FGF14: variants seen among roughly 807,000 people sequenced by gnomAD.
The protein encoded by FGF14 is fibroblast growth factor 14.
In FGF14, 5 loss-of-function variants were observed where a neutral mutation model predicts 25.5. The ratio of observed to expected loss-of-function variants is 0.20; its 90% CI spans 0.10 to 0.41. FGF14 has a LOEUF of 0.41. FGF14 is among the 10% of genes least tolerant of loss of function. FGF14 has a pLI of 1.00. For missense variants in FGF14, 222 were observed against 320.1 expected (o/e 0.69, Z 2.34); for synonymous variants, 138 against 118.3 (o/e 1.17, Z -1.08).
intron 3 of FGF14, among the ~76,000 whole-genome samples, chr13:101,787,789 T>C (rs1454050673): frequency 1.3e-5 from 2 of 152,198 alleles, no homozygotes; most frequent in East Asian, 3.9e-4. Flanking sequence ...GGTTTGGTGT[T>C]TCTTTTCACC....
intron 1 of FGF14, among the ~76,000 whole-genome samples, chr13:101,973,452 C>G (rs9557772): frequency 0.37 from 56,426 of 151,592 alleles, 10,869 homozygotes; most frequent in East Asian, 0.71. Flanking sequence ...TTCTCTAGAG[C>G]GACAGAACTA....
chr13:102,267,809 T>C (rs1392672753), intron 1 of FGF14, among the ~76,000 whole-genome samples: 1 of 152,128 alleles, frequency 6.6e-6, no homozygotes, highest in African/African-American at 2.4e-5. Flanking sequence ...AATACAAACA[T>C]AGTAATTTCT....
intron 3 of FGF14, among the ~76,000 whole-genome samples, chr13:101,839,955 G>A (rs966526298): frequency 2.0e-5 from 3 of 151,892 alleles, no homozygotes; most frequent in African/African-American, 4.8e-5. Context: ...AATTTCACTC[G>A]GGAAGAATGG....
At chr13:102,172,277 T>C (rs1437034533) in intron 1 of FGF14, among the ~76,000 whole-genome samples, 1 of 152,074 alleles carries the variant, frequency 6.6e-6, no homozygotes, top group African/African-American at 2.4e-5. Context: ...AGCCAGCCTT[T>C]CCCCAGTCCA....
chr13:101,736,629 A>T (rs1373624201), intron 3 of FGF14, among the ~76,000 whole-genome samples: 1 of 152,196 alleles, frequency 6.6e-6, no homozygotes, highest in Non-Finnish European at 1.5e-5. Context: ...TTTGGATATG[A>T]ATGTACATCC....
chr13:101,909,086 T>C (rs1040058210), intron 1 of FGF14, among the ~76,000 whole-genome samples: 1 of 152,096 alleles, frequency 6.6e-6, no homozygotes, highest in Non-Finnish European at 1.5e-5. Context: ...ACACAAAAAT[T>C]AATTCAAGAT....
intron 1 of FGF14, among the ~76,000 whole-genome samples, chr13:101,907,511 A>G (rs894655480): frequency 4.6e-5 from 7 of 152,154 alleles, no homozygotes; most frequent in Non-Finnish European, 8.8e-5. Context: ...AACTGAAAAC[A>G]GAATCTTGAG....
intron 1 of FGF14, among the ~76,000 whole-genome samples, chr13:101,928,583 C>A (rs978440466): frequency 8.6e-5 from 13 of 152,022 alleles, no homozygotes; most frequent in African/African-American, 3.1e-4. Context: ...TGTTGCCAGG[C>A]TGAAGGTTAG....
intron 3 of FGF14, among the ~76,000 whole-genome samples, chr13:101,867,561 A>G (rs1366190475): frequency 6.6e-6 from 1 of 152,210 alleles, no homozygotes; most frequent in Non-Finnish European, 1.5e-5. Context: ...ATTGAGCTGT[A>G]TCTGAAAATA....
intron 1 of FGF14, among the ~76,000 whole-genome samples, chr13:102,171,389 C>T (rs575529708): frequency 8.5e-5 from 13 of 152,228 alleles, no homozygotes; most frequent in African/African-American, 2.9e-4. Flanking sequence ...TACATGCTTA[C>T]CATCATTAGA....
At chr13:101,893,404 T>A (rs550844570) in intron 1 of FGF14, among the ~76,000 whole-genome samples, 1 of 152,288 alleles carries the variant, frequency 6.6e-6, no homozygotes, top group South Asian at 2.1e-4. Flanking sequence ...TGCTTTGCTG[T>A]GGTGGAGAGA....
intron 1 of FGF14, among the ~76,000 whole-genome samples, chr13:102,276,459 T>C (rs2053558174): frequency 6.6e-6 from 1 of 150,942 alleles, no homozygotes; most frequent in Non-Finnish European, 1.5e-5. Context: ...TACTGACATA[T>C]TTAGAGTATG....
chr13:101,729,805 A>G (rs116381063), intron 3 of FGF14, among the ~76,000 whole-genome samples: 2,090 of 152,292 alleles, frequency 0.014, 47 homozygotes, highest in African/African-American at 0.048. Flanking sequence ...TACACAAAAT[A>G]TTGGGTTCAG....
chr13:101,776,226 C>A lies in FGF14; in HGVS notation c.409-49416G>T, dbSNP rs80262485. The stretch of plus-strand genomic sequence containing the variant: ...CTCTGAGTGAAAGCTGGTTATTTAA[C>A]TTCATTTGTCAGCTAATCAGCCAGA... On this transcript the variant is annotated intron_variant, in intron 3 of 4. Coordinates refer to ENST00000376143, the MANE Select transcript of FGF14 (RefSeq NM_004115.4). Among the ~76,000 whole-genome samples, 802 of 152,258 alleles carry A rather than the reference C, an allele frequency of 5.3e-3. 8 individuals carry two copies. The highest frequency in any genetic ancestry group is 0.018 in the African/African-American group (740 of 41,564).
chr13:102,390,847 G>A (rs1415991916), intron 1 of FGF14, among the ~76,000 whole-genome samples: 2 of 152,036 alleles, frequency 1.3e-5, no homozygotes, highest in Non-Finnish European at 2.9e-5. Flanking sequence ...ATTCGTTAAC[G>A]GGAAAACTAG....
chr13:101,901,199 GA>G (rs145053015), intron 1 of FGF14, among the ~76,000 whole-genome samples: 4,484 of 148,318 alleles, frequency 0.03, 235 homozygotes, highest in African/African-American at 0.1. Context: ...AAGTCTTTCT[GA>G]AAAAAAAAAT....
chr13:101,844,685 C>G (rs543764481), intron 3 of FGF14, among the ~76,000 whole-genome samples: 1 of 151,958 alleles, frequency 6.6e-6, no homozygotes, highest in African/African-American at 2.4e-5. Context: ...ATAATCATTA[C>G]ATACATAGTG....
chr13:102,303,574 TA>T (rs2055197825), intron 1 of FGF14, among the ~76,000 whole-genome samples: 1 of 152,220 alleles, frequency 6.6e-6, no homozygotes, highest in South Asian at 2.1e-4. Context: ...GTTCATTCAG[TA>T]TTTTGCAGGT....
intron 1 of FGF14, among the ~76,000 whole-genome samples, chr13:102,248,995 G>A (rs1057499086): frequency 2.0e-5 from 3 of 152,134 alleles, no homozygotes; most frequent in African/African-American, 7.2e-5. Context: ...AGTGCAGGAA[G>A]TAATGTCCTG....
Sources: gnomAD v4.1 joint callset for allele counts (sites outside exome capture counted in the v4.1 genomes callset) on GRCh38, gnomAD v4.1.1 for gene constraint, MANE v1.5 for transcripts, NCBI Gene and HGNC (gene_info 2026-07-23, HGNC 2026-07-21) for gene names.